The following NFS1 variants were observed in gnomAD, a reference collection of about 807,000 sequenced individuals.
NFS1 encodes NFS1 cysteine desulfurase, also known as cysteine desulfurase.
A neutral mutation model predicts 57.3 loss-of-function variants in NFS1; 26 were observed. The ratio of observed to expected loss-of-function variants is 0.45; its 90% CI spans 0.33 to 0.63. The LOEUF (loss-of-function observed/expected upper bound fraction) is 0.63, where lower values mean the gene tolerates loss of function less well. Among genes scored for constraint, NFS1 ranks in the 20% least tolerant of loss-of-function variants. The pLI, the probability that NFS1 is intolerant of heterozygous loss-of-function variation, is 0.02. For missense variants in NFS1, 505 were observed against 605.8 expected, an observed-to-expected ratio of 0.83 and a Z score of 1.75; for synonymous variants, 209 against 216.3, an observed-to-expected ratio of 0.97 and a Z score of 0.30.
rs189669349 is a variant in NFS1, at chr20:35,668,159, T to C, written c.*1463A>G. 1 of 152,366 alleles carries C rather than the reference T, an allele frequency of 6.6e-6. No homozygotes were observed. Among genetic ancestry groups the C allele is most frequent in the East Asian group, 1.9e-4 (1 of 5,196 alleles). The allele number at this position is 152,366 out of a possible 1,614,324, so 9.4% of individuals were successfully genotyped here. A position where few individuals can be genotyped will look rare whatever the true frequency, so the allele number is the denominator to read the frequency against. On this transcript the variant is annotated 3_prime_UTR_variant, in exon 13 of 13. Transcript: ENST00000374092. ...CTAAAATTATTCTAAGTAAAAAAGATATTTTTCAACAAGAAAAATTCTATA... is the reference window on the plus strand; with the variant it reads ...CTAAAATTATTCTAAGTAAAAAAGACATTTTTCAACAAGAAAAATTCTATA...
chr20:35,670,100 C>T (rs1033373637), intron 12 of NFS1, among the ~76,000 whole-genome samples: 3 of 152,210 alleles, frequency 2.0e-5, no homozygotes, highest in African/African-American at 7.2e-5. Flanking sequence ...ATAAGCAGCT[C>T]GTTTCAGCCC....
chr20:35,674,126 G>A (rs776118362), intron 10 of NFS1: 11 of 547,790 alleles, frequency 2.0e-5, no homozygotes, highest in Admixed American at 1.2e-4. Context: ...CCCCTGGGAC[G>A]ATAAAAGGCA....
intron 4 of NFS1, chr20:35,692,206 A>G: frequency 3.9e-6 from 1 of 257,642 alleles, no homozygotes; most frequent in South Asian, 3.8e-5. Flanking sequence ...ATAAATAAAT[A>G]AAAATAAAAA....
At chr20:35,692,538 A>C (rs1418980754) in intron 4 of NFS1, among the ~76,000 whole-genome samples, 1 of 145,570 alleles carries the variant, frequency 6.9e-6, no homozygotes, top group African/African-American at 2.5e-5. Flanking sequence ...AAAAAAAAAA[A>C]AAAAAAAAAA....
rs928101569 is a variant in NFS1, at chr20:35,680,119, A to G, written c.790+618T>C. 3.3e-5 allele frequency among the ~76,000 whole-genome samples: 5 copies of G among 152,200 alleles called. No homozygotes were observed. In the South Asian group the frequency reaches 6.2e-4, roughly 19 times the overall value. Reference sequence around the variant, plus strand: ...GGAGATCAAGACCATCCTGGCTAACATGGTGAAACCCCGTCTCTACTAAAA... The same window carrying G: ...GGAGATCAAGACCATCCTGGCTAACGTGGTGAAACCCCGTCTCTACTAAAA... On this transcript the variant is annotated intron_variant, in intron 7 of 12. Coordinates refer to ENST00000374092, the MANE Select transcript of NFS1 (RefSeq NM_021100.5).
At chr20:35,672,540 C>CCG (rs1221040268) in intron 12 of NFS1, among the ~76,000 whole-genome samples, 3 of 152,140 alleles carry the variant, frequency 2.0e-5, no homozygotes, top group African/African-American at 4.8e-5. Flanking sequence ...CATGGGCCAC[C>CCG]CTGCCCGGCC....
At chr20:35,690,995 A>G (rs2035031465) in intron 4 of NFS1, among the ~76,000 whole-genome samples, 1 of 152,336 alleles carries the variant, frequency 6.6e-6, no homozygotes, top group Admixed American at 6.5e-5. Context: ...CAGGTCATCA[A>G]TTGCAACAAA....
At position 35,688,316 on chromosome 20, in the gene NFS1, G is replaced by A. The variant is rs530315190; in HGVS notation, c.561+2097C>T. Among the ~76,000 whole-genome samples, 33 of 151,454 alleles carry A rather than the reference G, an allele frequency of 2.2e-4. 1 individual carries two copies. In the South Asian group the frequency reaches 6.9e-3, roughly 32 times the overall value. The stretch of plus-strand genomic sequence containing the variant: ...TTGCCTATAATCCCAGCACTTTGGG[G>A]GGCCAAGACGGGTGGATCATTTGAG... On this transcript the variant is annotated intron_variant, in intron 5 of 12. Coordinates refer to ENST00000374092, the MANE Select transcript of NFS1 (RefSeq NM_021100.5).
intron 5 of NFS1, among the ~76,000 whole-genome samples, chr20:35,690,095 G>A (rs2035017601): frequency 6.6e-6 from 1 of 151,860 alleles, no homozygotes; most frequent in Non-Finnish European, 1.5e-5. Flanking sequence ...GCCAAACTCT[G>A]TCTCAAAATA....
intron 4 of NFS1, among the ~76,000 whole-genome samples, chr20:35,692,659 C>T (rs1471693236): frequency 6.6e-6 from 1 of 150,760 alleles, no homozygotes; most frequent in Non-Finnish European, 1.5e-5. Flanking sequence ...CTGGCTACTG[C>T]ACTCCAGCCT....
chr20:35,682,504 A>G (rs1192167546), intron 5 of NFS1, among the ~76,000 whole-genome samples: 1 of 152,162 alleles, frequency 6.6e-6, no homozygotes, highest in Non-Finnish European at 1.5e-5. Context: ...AAAAGCCAAT[A>G]AAGGCCGGGC....
chr20:35,698,832 G>A (rs896056273), intron 1 of NFS1: 10 of 1,368,716 alleles, frequency 7.3e-6, no homozygotes, highest in African/African-American at 1.5e-5. Flanking sequence ...ATCGTAGGAA[G>A]GAAGGCTCTA....
At chr20:35,681,125 C>G (rs187159428) in intron 6 of NFS1, among the ~76,000 whole-genome samples, 2 of 151,736 alleles carry the variant, frequency 1.3e-5, no homozygotes, top group Non-Finnish European at 2.9e-5. Flanking sequence ...TCGAAACACT[C>G]GTGATATTCT....
intron 7 of NFS1, 32 bp from the exon 8 acceptor site, chr20:35,675,234 AAG>A: frequency 6.4e-7 from 1 of 1,559,280 alleles, no homozygotes. Flanking sequence ...AAAAAACAGA[AAG>A]AGAGAAAAGT....
chr20:35,670,177 ACTTAACC>A (rs1158350193), intron 12 of NFS1, among the ~76,000 whole-genome samples: 1 of 152,142 alleles, frequency 6.6e-6, no homozygotes, highest in African/African-American at 2.4e-5. Flanking sequence ...TAGGGGTGGA[ACTTAACC>A]CTACATCATC....
rs768629356 is a variant in NFS1, at chr20:35,669,652, G to A, written c.1344C>T (p.Asp448=). 1 of 1,614,062 alleles carries A rather than the reference G, an allele frequency of 6.2e-7. No homozygotes were observed. Among genetic ancestry groups the A allele is most frequent in the South Asian group, 1.1e-5 (1 of 91,082 alleles). ...GTTGGGTCCACTTGATGCTCTTGAG[G>A]TCAATGCCATCCTGAACCATCTCCC... The part of the protein sequence containing the change: ...PLWEMVQDGI[D]LKSIKWTQH Residue 448 remains aspartate (D), a synonymous_variant, in exon 13 of 13, where the codon GAC becomes GAT. Transcript: ENST00000374092.
chr20:35,683,512 G>C (rs932428846), intron 5 of NFS1, among the ~76,000 whole-genome samples: 1 of 151,158 alleles, frequency 6.6e-6, no homozygotes, highest in African/African-American at 2.4e-5. Flanking sequence ...CAGGCACGGT[G>C]GCTCACACCT....
At chr20:35,697,060 C>T (rs757774674) in intron 3 of NFS1, among the ~76,000 whole-genome samples, 3 of 152,178 alleles carry the variant, frequency 2.0e-5, no homozygotes, top group South Asian at 2.1e-4. Context: ...GAGCCGAGAT[C>T]GTGCCACTGC....
chr20:35,690,899 C>A (rs2035029696), intron 4 of NFS1, among the ~76,000 whole-genome samples: 2 of 152,164 alleles, frequency 1.3e-5, no homozygotes, highest in Non-Finnish European at 2.9e-5. Flanking sequence ...TAGAATAAAT[C>A]ACATTTGTCC....
Sources: allele counts gnomAD v4.1 joint callset (sites outside exome capture counted in the v4.1 genomes callset), GRCh38; gene constraint gnomAD v4.1.1; transcripts MANE v1.5; gene names NCBI Gene and HGNC (gene_info 2026-07-23, HGNC 2026-07-21).